The following NEGR1 variants were observed in gnomAD, a reference collection of about 807,000 sequenced individuals.
NEGR1 encodes the protein neuronal growth regulator 1.
A neutral mutation model predicts 40.9 loss-of-function variants in NEGR1; 10 were observed. The observed-to-expected ratio is 0.24, with a 90% confidence interval of 0.15 to 0.42. The LOEUF (loss-of-function observed/expected upper bound fraction) is 0.42. Among genes scored for constraint, NEGR1 ranks in the 10% least tolerant of loss-of-function variants. NEGR1 has a pLI of 1.00. For missense variants in NEGR1, 352 were observed against 438.9 expected, an observed-to-expected ratio of 0.80 and a Z score of 1.77; for synonymous variants, 185 against 166.8, an observed-to-expected ratio of 1.11 and a Z score of -0.84.
chr1:71,527,174 A>G (rs1466837625), intron 6 of NEGR1, among the ~76,000 whole-genome samples: 3 of 151,526 alleles, frequency 2.0e-5, no homozygotes, highest in Non-Finnish European at 4.4e-5. Context: ...GAAATGTGAG[A>G]TTCACAAAAA....
intron 6 of NEGR1, among the ~76,000 whole-genome samples, chr1:71,415,037 G>T (rs1178805731): frequency 6.6e-6 from 1 of 151,974 alleles, no homozygotes; most frequent in Non-Finnish European, 1.5e-5. Context: ...AAGAAGTCAG[G>T]CAAACAAGTG....
At chr1:71,500,167 C>G (rs925630282) in intron 6 of NEGR1, among the ~76,000 whole-genome samples, 4 of 151,940 alleles carry the variant, frequency 2.6e-5, no homozygotes, top group African/African-American at 9.7e-5. Context: ...TTTAACTCAC[C>G]ATGTCATAAG....
chr1:71,429,854 T>C (rs1246143940), intron 6 of NEGR1, among the ~76,000 whole-genome samples: 1 of 152,218 alleles, frequency 6.6e-6, no homozygotes, highest in African/African-American at 2.4e-5. Flanking sequence ...AGTAAAAATA[T>C]ACTTTATGGA....
At chr1:72,268,065 T>C (rs922812335) in intron 1 of NEGR1, among the ~76,000 whole-genome samples, 3 of 151,380 alleles carry the variant, frequency 2.0e-5, no homozygotes, top group African/African-American at 7.3e-5. Context: ...CTCTTCACGG[T>C]ATCAGAAAGC....
At chr1:71,572,993 A>T (rs982812058) in intron 6 of NEGR1, among the ~76,000 whole-genome samples, 1 of 152,246 alleles carries the variant, frequency 6.6e-6, no homozygotes, top group African/African-American at 2.4e-5. Flanking sequence ...CTCCAGAGGC[A>T]GAATTCTTAT....
At chr1:71,623,011 T>C (rs1480165230) in intron 4 of NEGR1, among the ~76,000 whole-genome samples, 1 of 151,928 alleles carries the variant, frequency 6.6e-6, no homozygotes, top group Non-Finnish European at 1.5e-5. Context: ...AAAAAGTTGA[T>C]TAAAATTCAG....
At chr1:71,923,907 CTTTT>C (rs201877249) in intron 2 of NEGR1, among the ~76,000 whole-genome samples, 4 of 147,916 alleles carry the variant, frequency 2.7e-5, no homozygotes, top group African/African-American at 9.9e-5. Flanking sequence ...TAGGCACTTT[CTTTT>C]TTTTTTTCTT....
At chr1:72,013,981 AAAAAAAAGG>A (rs1186175450) in intron 1 of NEGR1, among the ~76,000 whole-genome samples, 4 of 137,816 alleles carry the variant, frequency 2.9e-5, no homozygotes, top group African/African-American at 1.2e-4. Context: ...AAAAAAAAAA[AAAAAAAAGG>A]AGGTTGGGGG....
intron 6 of NEGR1, among the ~76,000 whole-genome samples, chr1:71,473,836 T>C (rs1042796981): frequency 6.6e-6 from 1 of 152,004 alleles, no homozygotes; most frequent in African/African-American, 2.4e-5. Context: ...TTGTGACTAG[T>C]GTGCATATAT....
chr1:72,026,110 CAAAAAAAAAAAAAAAA>C (rs1172589239), intron 1 of NEGR1, among the ~76,000 whole-genome samples: 3 of 31,138 alleles, frequency 9.6e-5, no homozygotes, highest in Non-Finnish European at 1.9e-4. Flanking sequence ...GACTCCGTCT[CAAAAAAAAAAAAAAAA>C]AAAAAAAAAA....
intron 6 of NEGR1, among the ~76,000 whole-genome samples, chr1:71,585,823 A>G (rs1035241127): frequency 6.6e-6 from 1 of 151,890 alleles, no homozygotes; most frequent in Non-Finnish European, 1.5e-5. Flanking sequence ...TCAAAGGACC[A>G]GTGCTGCTAA....
intron 2 of NEGR1, among the ~76,000 whole-genome samples, chr1:71,861,154 T>C (rs1659934204): frequency 6.6e-6 from 1 of 152,060 alleles, no homozygotes; most frequent in Admixed American, 6.6e-5. Context: ...CAGCCTGGAT[T>C]TGCATCACAT....
chr1:72,026,110 C>CAA (rs1172589239), intron 1 of NEGR1, among the ~76,000 whole-genome samples: 642 of 31,162 alleles, frequency 0.021, 48 homozygotes, highest in East Asian at 0.031. Flanking sequence ...GACTCCGTCT[C>CAA]AAAAAAAAAA....
intron 3 of NEGR1, among the ~76,000 whole-genome samples, chr1:71,712,563 TC>T (rs1469824093): frequency 6.6e-6 from 1 of 152,232 alleles, no homozygotes; most frequent in Non-Finnish European, 1.5e-5. Context: ...CTTTGACTTT[TC>T]TGGCGTTTAA....
At chr1:72,084,772 A>C (rs935847500) in intron 1 of NEGR1, among the ~76,000 whole-genome samples, 4 of 152,220 alleles carry the variant, frequency 2.6e-5, no homozygotes, top group Admixed American at 1.3e-4. Context: ...ACCTACCTTC[A>C]GAGAAACTCA....
At chr1:71,879,810 T>C (rs1349722534) in intron 2 of NEGR1, among the ~76,000 whole-genome samples, 1 of 152,104 alleles carries the variant, frequency 6.6e-6, no homozygotes, top group Non-Finnish European at 1.5e-5. Flanking sequence ...TGATACTTAG[T>C]TTTTTTGAAA....
At chr1:71,966,824 A>G in intron 1 of NEGR1, among the ~76,000 whole-genome samples, 1 of 152,178 alleles carries the variant, frequency 6.6e-6, no homozygotes. Context: ...GCAAACAGAA[A>G]ATAAAGGAGT....
intron 1 of NEGR1, among the ~76,000 whole-genome samples, chr1:72,021,104 T>C (rs1196091695): frequency 6.6e-6 from 1 of 152,132 alleles, no homozygotes; most frequent in Non-Finnish European, 1.5e-5. Context: ...TACGAATCCA[T>C]TTGAAATCAA....
At chr1:71,747,326 C>T (rs1655419572) in intron 3 of NEGR1, among the ~76,000 whole-genome samples, 1 of 152,068 alleles carries the variant, frequency 6.6e-6, no homozygotes. Flanking sequence ...AAATCCATCT[C>T]AGTACAGCAC....
Sources: allele counts gnomAD v4.1 joint callset (sites outside exome capture counted in the v4.1 genomes callset), GRCh38; gene constraint gnomAD v4.1.1; transcripts MANE v1.5; gene names NCBI Gene and HGNC (gene_info 2026-07-23, HGNC 2026-07-21).